The following CACNA1E variants were observed in gnomAD, a reference collection of about 807,000 sequenced individuals.
The protein encoded by CACNA1E is calcium voltage-gated channel subunit alpha1 E.
Under a neutral mutation model 259.2 loss-of-function variants are expected in CACNA1E, and 40 were observed. The observed-to-expected ratio is 0.15, with a 90% CI of 0.12 to 0.20. The LOEUF is 0.20. Among genes scored for constraint, CACNA1E ranks in the 10% least tolerant of loss-of-function variants. The pLI is 1.00. For synonymous variants in CACNA1E, 1,104 were observed against 1,138.5 expected (o/e 0.97, Z 0.61); for missense variants, 1,874 against 3,040.1 (o/e 0.62, Z 9.02).
chr1:181,727,492 A>G (rs1206865600), intron 18 of CACNA1E, among the ~76,000 whole-genome samples: 1 of 152,274 alleles, frequency 6.6e-6, no homozygotes, highest in African/African-American at 2.4e-5. Flanking sequence ...AGGTTGGAAC[A>G]GAACCCAGTT....
chr1:181,710,830 G>A (rs1653277073), intron 7 of CACNA1E, 124 bp from the exon 8 acceptor site: 2 of 682,634 alleles, frequency 2.9e-6, no homozygotes, highest in African/African-American at 3.5e-5. Flanking sequence ...CTGGGTCAGG[G>A]GAAAGGGTAC....
chr1:181,354,669 C>G (rs985652638), intron 1 of CACNA1E, among the ~76,000 whole-genome samples: 2 of 152,146 alleles, frequency 1.3e-5, no homozygotes, highest in Admixed American at 1.3e-4. Context: ...GCTACAGTTC[C>G]CACCCGCAGA....
chr1:181,345,596 C>T (rs1465545002), intron 1 of CACNA1E, among the ~76,000 whole-genome samples: 3 of 152,074 alleles, frequency 2.0e-5, no homozygotes, highest in East Asian at 3.9e-4. Flanking sequence ...AGTCTACTGG[C>T]GGAGAGGAGA....
chr1:181,788,608 A>G (rs938621570), intron 43 of CACNA1E, among the ~76,000 whole-genome samples: 1 of 152,174 alleles, frequency 6.6e-6, no homozygotes, highest in Non-Finnish European at 1.5e-5. Context: ...CCAATGAACT[A>G]AAAAAGGCCG....
intron 2 of CACNA1E, among the ~76,000 whole-genome samples, chr1:181,466,131 G>C (rs1558025623): frequency 6.6e-6 from 1 of 152,208 alleles, no homozygotes; most frequent in Non-Finnish European, 1.5e-5. Flanking sequence ...TTTTCATGCA[G>C]TTTATTTAAC....
Position 181,695,374 on chromosome 1 carries a change from G to T in CACNA1E, c.1056-15580G>T, listed in dbSNP as rs532937881. ...GGTTAATTTGAAGAACTAGACAGAT[G>T]ATTCAAAACTTGATATGGAAAGGCA... On this transcript the variant is annotated intron_variant, in intron 7 of 47. Coordinates refer to ENST00000367573, the MANE Select transcript of CACNA1E (RefSeq NM_001205293.3). Among the ~76,000 whole-genome samples, 22 of 152,242 alleles carry T rather than the reference G, an allele frequency of 1.4e-4. 2 individuals are homozygous for T. In the South Asian group the frequency reaches 4.6e-3, roughly 32 times the overall value.
chr1:181,672,055 TA>T (rs965385743), intron 7 of CACNA1E, among the ~76,000 whole-genome samples: 2 of 152,116 alleles, frequency 1.3e-5, no homozygotes, highest in African/African-American at 4.8e-5. Flanking sequence ...TATGCAGCCA[TA>T]AAAAAGAACA....
intron 3 of CACNA1E, among the ~76,000 whole-genome samples, chr1:181,540,633 C>A (rs963190893): frequency 1.1e-4 from 16 of 152,184 alleles, no homozygotes; most frequent in African/African-American, 3.9e-4. Flanking sequence ...GCCCTCCCAT[C>A]CCTGGAGGAA....
intron 2 of CACNA1E, among the ~76,000 whole-genome samples, chr1:181,437,381 TC>T (rs1212495478): frequency 6.6e-6 from 1 of 152,082 alleles, no homozygotes; most frequent in African/African-American, 2.4e-5. Context: ...AACACAAGAA[TC>T]CTTGCTACCT....
chr1:181,674,223 CAAAAAAA>C lies in CACNA1E; in HGVS notation c.1055+22796_1055+22802del, dbSNP rs58198967. On this transcript the variant is annotated intron_variant, in intron 7 of 47. Transcript: ENST00000367573. Reference sequence around the variant, plus strand: ...TAAAACCCCGTCTCTACTAAAAATACAAAAAAAAAAAAAAAAAAAATTAGCCAGGCAT... The same window carrying C: ...TAAAACCCCGTCTCTACTAAAAATACAAAAAAAAAAAAATTAGCCAGGCAT... Among the ~76,000 whole-genome samples the C allele has an allele frequency of 7.5e-4, 66 of 88,426 alleles. 1 individual carries two copies. The highest frequency in any genetic ancestry group is 1.9e-3 in the African/African-American group (50 of 26,668). The allele number at this position is 88,426 out of a possible 152,430, so 58.0% of individuals were successfully genotyped here. A position where few individuals can be genotyped will look rare whatever the true frequency, so the allele number is the denominator to read the frequency against.
chr1:181,519,347 C>G (rs1185463491), intron 3 of CACNA1E, among the ~76,000 whole-genome samples: 1 of 152,116 alleles, frequency 6.6e-6, no homozygotes, highest in African/African-American at 2.4e-5. Context: ...GAAAATGCAG[C>G]AGCACTATTT....
At position 181,421,928 on chromosome 1, in the gene CACNA1E, A is replaced by G. The variant is rs139980130; in HGVS notation, c.434+8348A>G. Among the ~76,000 whole-genome samples the G allele has an allele frequency of 5.3e-3, 804 of 152,304 alleles. 26 individuals are homozygous for G. Among genetic ancestry groups the G allele is most frequent in the Admixed American group, 0.044 (678 of 15,292 alleles). ...CAATATGAACTCTTTTTGCTGGCTC[A>G]TAAAGCCCTATCCGACCTGAGCTTT... On this transcript the variant is annotated intron_variant, in intron 2 of 11. Transcript: ENST00000524607.
intron 2 of CACNA1E, among the ~76,000 whole-genome samples, chr1:181,476,628 A>G (rs1445759118): frequency 6.6e-6 from 1 of 152,156 alleles, no homozygotes; most frequent in Non-Finnish European, 1.5e-5. Context: ...CTGACATGAT[A>G]CCTGACACGT....
intron 7 of CACNA1E, among the ~76,000 whole-genome samples, chr1:181,702,514 C>T (rs1351217584): frequency 6.6e-6 from 1 of 152,162 alleles, no homozygotes; most frequent in African/African-American, 2.4e-5. Flanking sequence ...CCCAATGACA[C>T]CAAGTAAAAC....
Position 181,527,383 on chromosome 1 carries a change from A to G in CACNA1E, c.512+15873A>G, listed in dbSNP as rs145760662. On this transcript the variant is annotated intron_variant, in intron 3 of 47. Transcript: ENST00000367573. ...TAAAGGCTGAACCTCCAAATATCAC[A>G]TTGGGGATTAGGTTTCAACATATGG... is the stretch of plus-strand genomic sequence containing the variant. Among the ~76,000 whole-genome samples the G allele has an allele frequency of 2.6e-3, 395 of 152,296 alleles. 2 individuals carry two copies. The highest frequency in any genetic ancestry group is 8.8e-3 in the African/African-American group (366 of 41,566).
Position 181,724,514 on chromosome 1 carries a change from G to A in CACNA1E, c.2119G>A (p.Ala707Thr), listed in dbSNP as rs1273665569. 2 of 1,612,804 alleles carry A rather than the reference G, an allele frequency of 1.2e-6. No homozygotes were observed. The highest frequency in any genetic ancestry group is 1.7e-6 in the Non-Finnish European group (2 of 1,179,400). The change falls in exon 17 of 48, where the codon GCC (alanine) becomes ACC (threonine). Residue 707 changes from alanine (A) to threonine (T), a missense_variant. Around this residue, in one of 14 missense-constraint regions of CACNA1E, gnomAD observed 102 missense variants for 279.4 expected, o/e 0.37. Transcript: ENST00000367573. ...CTTGGCTATCGCTGTGGATAATCTC[G>A]CCAACGCCCAGGAACTGACCAAGGT... ...VFLAIAVDNL[A>T]NAQELTKDEQ...
chr1:181,648,858 T>G (rs932590226), intron 6 of CACNA1E, among the ~76,000 whole-genome samples: 2 of 152,194 alleles, frequency 1.3e-5, no homozygotes, highest in Admixed American at 6.5e-5. Context: ...GTGCTGGGTG[T>G]AGACTCAGTT....
chr1:181,746,584 GTCTCT>G (rs1211356221), intron 25 of CACNA1E, among the ~76,000 whole-genome samples: 1 of 152,140 alleles, frequency 6.6e-6, no homozygotes, highest in Non-Finnish European at 1.5e-5. Context: ...AGATCCTTCT[GTCTCT>G]ACCTGGTGAC....
At chr1:181,609,091 A>C (rs984561067) in intron 6 of CACNA1E, among the ~76,000 whole-genome samples, 1 of 152,164 alleles carries the variant, frequency 6.6e-6, no homozygotes, top group Non-Finnish European at 1.5e-5. Context: ...CTTCCTTAGC[A>C]CCTGAATGAA....
Sources: allele counts gnomAD v4.1 joint callset (sites outside exome capture counted in the v4.1 genomes callset), GRCh38; gene constraint gnomAD v4.1.1; regional missense constraint gnomAD v4.1.1; transcripts MANE v1.5; gene names NCBI Gene and HGNC (gene_info 2026-07-23, HGNC 2026-07-21).